Variants in IFT57 observed in about 807,000 individuals in gnomAD.
IFT57 encodes the protein intraflagellar transport protein 57 homolog.
In IFT57, 59 loss-of-function variants were observed where a neutral mutation model predicts 56.8. The observed-to-expected ratio is 1.04, with a 90% CI of 0.84 to 1.29. The LOEUF is 1.29. Among genes scored for constraint, IFT57 ranks in the 50% most tolerant of loss-of-function variants. The pLI is 0.00. For missense variants in IFT57, 470 were observed against 522.1 expected (o/e 0.90, Z 0.97); for synonymous variants, 209 against 186.1 (o/e 1.12, Z -1.00).
intron 6 of IFT57, among the ~76,000 whole-genome samples, chr3:108,188,695 A>C (rs990495420): frequency 2.6e-5 from 4 of 152,186 alleles, no homozygotes; most frequent in Admixed American, 1.3e-4. Flanking sequence ...TCAACTCATT[A>C]ATTTTTCCCC....
chr3:108,172,209 A>G (rs1213907337), intron 6 of IFT57, among the ~76,000 whole-genome samples: 1 of 151,842 alleles, frequency 6.6e-6, no homozygotes, highest in Non-Finnish European at 1.5e-5. Flanking sequence ...AACAGGCTGC[A>G]AAGATGTGCG....
In IFT57 at chr3:108,167,840, T is replaced by G; in HGVS notation, c.802A>C (p.Met268Leu). ...NKDWRIHVDQ[M>L]HQHRSGIESA... is the part of the protein sequence containing the mutation. The stretch of plus-strand genomic sequence containing the variant: ...TCAATTCCACTTCTGTGCTGGTGCA[T>G]TTGGTCAACATGGATTCTCCAATCC... Residue 268 changes from methionine to leucine, a missense_variant, in exon 7 of 11, where the codon ATG becomes CTG. Coordinates refer to ENST00000264538, the MANE Select transcript of IFT57 (RefSeq NM_018010.4). 1 of 1,593,486 alleles carries G rather than the reference T, an allele frequency of 6.3e-7. No homozygotes were observed. The highest frequency in any genetic ancestry group is 2.3e-5 in the East Asian group (1 of 43,568).
rs1384543018 is a variant in IFT57, at chr3:108,165,431, C to T, written c.1044G>A (p.Glu348=). 1 of 1,612,014 alleles carries T rather than the reference C, an allele frequency of 6.2e-7. No homozygotes were observed. Reference sequence around the variant, plus strand: ...GCAGGGCAAGAGCATCAGTGTGTACCTCAGAGAGGAGTCTGGTTCTTTCCG... The same window carrying T: ...GCAGGGCAAGAGCATCAGTGTGTACTTCAGAGAGGAGTCTGGTTCTTTCCG... ...GVTERTRLLS[E]VMEELEKVKQ... Residue 348 remains glutamate (E), a splice_region_variant and synonymous_variant, in exon 9 of 11, where the codon GAG becomes GAA. Transcript: ENST00000264538.
intron 6 of IFT57, among the ~76,000 whole-genome samples, chr3:108,175,077 C>CT (rs2080116741): frequency 2.0e-5 from 3 of 151,806 alleles, no homozygotes; most frequent in East Asian, 3.9e-4. Flanking sequence ...TTACATAATG[C>CT]TTTTTTGGGG....
At chr3:108,194,268 C>A (rs772813223) in intron 5 of IFT57, among the ~76,000 whole-genome samples, 3 of 151,740 alleles carry the variant, frequency 2.0e-5, no homozygotes, top group Non-Finnish European at 4.4e-5. Flanking sequence ...AAATAAAATA[C>A]CTAGGAATAA....
chr3:108,206,058 TTA>T (rs2080310764), intron 5 of IFT57, among the ~76,000 whole-genome samples: 1 of 105,038 alleles, frequency 9.5e-6, no homozygotes. Flanking sequence ...TATATATTAT[TTA>T]TATATAATAA....
chr3:108,165,258 G>C (rs923188798), intron 9 of IFT57, among the ~76,000 whole-genome samples, 173 bp downstream of exon 9: 1 of 152,072 alleles, frequency 6.6e-6, no homozygotes, highest in Non-Finnish European at 1.5e-5. Context: ...GTGGAAACAA[G>C]AAATGTATCA....
chr3:108,220,595 T>C (rs2080400523), intron 1 of IFT57, among the ~76,000 whole-genome samples: 1 of 152,230 alleles, frequency 6.6e-6, no homozygotes, highest in African/African-American at 2.4e-5. Context: ...ATCTTTTCCT[T>C]ATCGGCAGAT....
chr3:108,192,418 C>A (rs1284352142), intron 5 of IFT57, among the ~76,000 whole-genome samples: 10 of 152,000 alleles, frequency 6.6e-5, no homozygotes, highest in African/African-American at 2.2e-4. Flanking sequence ...TTGCTTTCTG[C>A]ATTGGAATAA....
At chr3:108,221,024 C>T (rs1284227004) in intron 1 of IFT57, among the ~76,000 whole-genome samples, 2 of 152,172 alleles carry the variant, frequency 1.3e-5, no homozygotes, top group African/African-American at 4.8e-5. Flanking sequence ...TTATCCTGAT[C>T]AATTCACTTT....
chr3:108,208,620 C>T (rs951379417), intron 4 of IFT57, among the ~76,000 whole-genome samples: 3 of 152,184 alleles, frequency 2.0e-5, no homozygotes, highest in Admixed American at 2.0e-4. Context: ...AGCCCACTAG[C>T]AAAATTCTTG....
In IFT57 at chr3:108,161,986, T is replaced by G. The variant is rs2080035636; in HGVS notation, c.*491A>C. The G allele has an allele frequency of 6.6e-6, 1 of 152,082 alleles. No individual in the cohort carries two copies. Among genetic ancestry groups the G allele is most frequent in the Non-Finnish European group, 1.5e-5 (1 of 68,036 alleles). 9.4% of individuals were successfully genotyped at this position (152,082 alleles called of 1,614,324 possible). On this transcript the variant is annotated 3_prime_UTR_variant, in exon 11 of 11. Transcript: ENST00000264538. ...GAGGATACTGAAGTTTTTTTTAACC[T>G]AAAAAAAGTGGCAATTTTAGGTAAC... is the stretch of plus-strand genomic sequence containing the variant.
At chr3:108,194,478 A>T (rs2080232731) in intron 5 of IFT57, among the ~76,000 whole-genome samples, 1 of 67,564 alleles carries the variant, frequency 1.5e-5, no homozygotes, top group East Asian at 2.5e-4. Context: ...TCACAGAAAT[A>T]AAAAAAAAAA....
chr3:108,219,554 A>T lies in IFT57; in HGVS notation c.231T>A (p.Pro77=). 1 of 1,613,970 alleles carries T rather than the reference A, an allele frequency of 6.2e-7. No individual in the cohort carries two copies. The highest frequency in any genetic ancestry group is 1.3e-5 in the African/African-American group (1 of 75,040). ...KAPSRHYFAL[P]TNPGEQFYMF... ...TGTAGAACTGTTCGCCAGGGTTGGT[A>T]GGCAGTGCAAAATAGTGTCTGTTTC... The change falls in exon 2 of 11, where the codon CCT becomes CCA. Residue 77 remains proline, a synonymous_variant. Transcript: ENST00000264538.
At chr3:108,196,172 T>A (rs986732850) in intron 5 of IFT57, among the ~76,000 whole-genome samples, 1 of 152,080 alleles carries the variant, frequency 6.6e-6, no homozygotes, top group African/African-American at 2.4e-5. Context: ...TAAAAATAAG[T>A]TTGATTTATG....
chr3:108,188,522 T>C (rs1180518887), intron 6 of IFT57, among the ~76,000 whole-genome samples: 1 of 152,154 alleles, frequency 6.6e-6, no homozygotes, highest in Non-Finnish European at 1.5e-5. Flanking sequence ...CACAAAGATC[T>C]AAATTCAAAA....
At chr3:108,175,562 C>T (rs2080119616) in intron 6 of IFT57, among the ~76,000 whole-genome samples, 1 of 151,862 alleles carries the variant, frequency 6.6e-6, no homozygotes, top group East Asian at 1.9e-4. Flanking sequence ...GTTAAGGTGA[C>T]TCGCAAGACT....
At chr3:108,208,590 C>T (rs1303189178) in intron 4 of IFT57, among the ~76,000 whole-genome samples, 1 of 152,144 alleles carries the variant, frequency 6.6e-6, no homozygotes, top group Non-Finnish European at 1.5e-5. Context: ...GGAGTGGAAC[C>T]ACTTGCTATT....
chr3:108,208,771 C>T (rs958225751), intron 4 of IFT57, among the ~76,000 whole-genome samples: 5 of 152,182 alleles, frequency 3.3e-5, no homozygotes, highest in African/African-American at 1.2e-4. Context: ...GCTCCTCATA[C>T]CTCTGAATCA....
Sources: allele counts gnomAD v4.1 joint callset (sites outside exome capture counted in the v4.1 genomes callset), GRCh38; gene constraint gnomAD v4.1.1; transcripts MANE v1.5; gene names NCBI Gene and HGNC (gene_info 2026-07-23, HGNC 2026-07-21).